NOPCHAP1: variants seen among roughly 807,000 people sequenced by gnomAD.
The protein encoded by NOPCHAP1 is NOP protein chaperone 1, also known as DNA damage-sensitive RNA 1.
Under a neutral mutation model 14.0 loss-of-function variants are expected in NOPCHAP1, and 13 were observed. The ratio of observed to expected loss-of-function variants is 0.93; its 90% CI spans 0.60 to 1.47. The LOEUF is 1.47. Among genes scored for constraint, NOPCHAP1 ranks in the 40% most tolerant of loss-of-function variants. The pLI, the probability that NOPCHAP1 is intolerant of heterozygous loss-of-function variation, is 0.00. For missense variants in NOPCHAP1, 230 were observed against 226.9 expected (o/e 1.01, Z -0.09); for synonymous variants, 78 against 78.4 (o/e 1.00, Z 0.03).
chr12:104,988,262 C>G lies in NOPCHAP1; in HGVS notation c.202+9C>G, dbSNP rs191639627. 3.2e-6 allele frequency: 5 copies of G among 1,582,352 alleles called. No homozygotes were observed. In the African/African-American group the frequency reaches 4.0e-5, roughly 13 times the overall value. On this transcript the variant is annotated intron_variant, in intron 2 of 3. Transcript: ENST00000552951. ...GATAGAGAGGAGTCCCTGTAAGTAC[C>G]TCTTCCCCTCTCTCACCCTCTCTAA...
chr12:104,994,766 C>T lies in NOPCHAP1; in HGVS notation c.*70C>T, dbSNP rs1873462818. ...ATTCTGTGAAAAAGAATGTGATTCA[C>T]GGGTTCTTTTGCTTTTCAGGCACCT... On this transcript the variant is annotated 3_prime_UTR_variant, in exon 4 of 4. Coordinates refer to ENST00000552951, the MANE Select transcript of NOPCHAP1 (RefSeq NM_152318.3). 30 of 1,395,444 alleles carry T rather than the reference C, an allele frequency of 2.1e-5. No homozygotes were observed. Among genetic ancestry groups the T allele is most frequent in the Admixed American group, 1.2e-4 (6 of 49,520 alleles). The allele number at this position is 1,395,444 out of a possible 1,614,324, so 86.4% of individuals were successfully genotyped here.
rs530555530 is a variant in NOPCHAP1 at position 105,014,789 on chromosome 12, G to A, written c.*20093G>A. 2.6e-5 allele frequency: 4 copies of A among 152,244 alleles called. No homozygotes were observed. In the East Asian group the frequency reaches 5.8e-4, roughly 22 times the overall value. The allele number at this position is 152,244 out of a possible 1,614,324, so 9.4% of individuals were successfully genotyped here. On this transcript the variant is annotated 3_prime_UTR_variant, in exon 4 of 4. Coordinates refer to ENST00000552951, the MANE Select transcript of NOPCHAP1 (RefSeq NM_152318.3). The stretch of plus-strand genomic sequence containing the variant: ...ATCACAGCAAAATTTGGAGGGCATA[G>A]TACAAAGAAAGGCGACAGCTGGTTT...
In NOPCHAP1 at chr12:104,996,991, G is replaced by A. The variant is rs1873513039; in HGVS notation, c.*2295G>A. ...GCTTCTGAGTGTCACTGCATGTGAGGTGGGTCTCTTGAAGATAGCATACCA... is the reference window on the plus strand; with the variant it reads ...GCTTCTGAGTGTCACTGCATGTGAGATGGGTCTCTTGAAGATAGCATACCA... On this transcript the variant is annotated 3_prime_UTR_variant, in exon 4 of 4. Coordinates refer to ENST00000552951, the MANE Select transcript of NOPCHAP1 (RefSeq NM_152318.3). 1 of 152,148 alleles carries A rather than the reference G, an allele frequency of 6.6e-6. No homozygotes were observed. Among genetic ancestry groups the A allele is most frequent in the African/African-American group, 2.4e-5 (1 of 41,430 alleles). The allele number at this position is 152,148 out of a possible 1,614,324, so 9.4% of individuals were successfully genotyped here.
chr12:104,986,348 G>A lies in NOPCHAP1; in HGVS notation c.-5G>A, dbSNP rs748382201. 3 of 1,604,914 alleles carry A rather than the reference G, an allele frequency of 1.9e-6. No individual in the cohort carries two copies. The highest frequency in any genetic ancestry group is 2.2e-5 in the East Asian group (1 of 44,454). On this transcript the variant is annotated 5_prime_UTR_variant, in exon 1 of 4. Coordinates refer to ENST00000552951, the MANE Select transcript of NOPCHAP1 (RefSeq NM_152318.3). ...CGGGCCTGAGAGTGCAGGCTTGAGG[G>A]AAGCATGGAGGTCCATGGCAAGCCC...
At position 105,011,090 on chromosome 12, in the gene NOPCHAP1, A is replaced by G. The variant is rs532534548; in HGVS notation, c.*16394A>G. The G allele has an allele frequency of 2.3e-4, 35 of 152,292 alleles. No individual in the cohort carries two copies. The highest frequency in any genetic ancestry group is 1.8e-3 in the Admixed American group (27 of 15,300). The allele number at this position is 152,292 out of a possible 1,614,324, so 9.4% of individuals were successfully genotyped here. On this transcript the variant is annotated 3_prime_UTR_variant, in exon 4 of 4. Transcript: ENST00000552951. ...TGACAGTGGGGTGTTAAAGTCTCCC[A>G]CTATTATTGTGTGGGAGTCTAAGTC...
rs967194833 is a variant in NOPCHAP1 at position 105,014,826 on chromosome 12, G to A, written c.*20130G>A. 5.9e-5 allele frequency: 9 copies of A among 152,146 alleles called. No homozygotes were observed. Among genetic ancestry groups the A allele is most frequent in the Non-Finnish European group, 1.3e-4 (9 of 68,044 alleles). The allele number at this position is 152,146 out of a possible 1,614,324, so 9.4% of individuals were successfully genotyped here. ...GCGACAGCTGGTTTTCCCTTCCAAA[G>A]GTCAAAATGACCTCAGGCTGGAGTT... On this transcript the variant is annotated 3_prime_UTR_variant, in exon 4 of 4. Transcript: ENST00000552951.
chr12:104,989,067 T>C (rs1048936363), intron 2 of NOPCHAP1, among the ~76,000 whole-genome samples: 1 of 151,948 alleles, frequency 6.6e-6, no homozygotes, highest in Non-Finnish European at 1.5e-5. Context: ...CAGCAAGGTA[T>C]GAGAGTTTAG....
intron 2 of NOPCHAP1, among the ~76,000 whole-genome samples, chr12:104,991,047 T>C (rs1047720552): frequency 1.3e-5 from 2 of 152,198 alleles, no homozygotes; most frequent in African/African-American, 2.4e-5. Context: ...TTCAGCCTTA[T>C]ATTCAGCCAA....
At position 105,017,169 on chromosome 12, in the gene NOPCHAP1, TTG is replaced by T. The variant is rs1873963703; in HGVS notation, c.*22477_*22478del. ...TTTAAAAACTGCCTAGCAGGATAGT[TTG>T]TGTTACTCTGCCTGTATCCATGACC... On this transcript the variant is annotated 3_prime_UTR_variant, in exon 4 of 4. Coordinates refer to ENST00000552951, the MANE Select transcript of NOPCHAP1 (RefSeq NM_152318.3). 6.6e-6 allele frequency: 1 copy of T among 152,126 alleles called. No individual in the cohort carries two copies. The highest frequency in any genetic ancestry group is 1.5e-5 in the Non-Finnish European group (1 of 68,014). The allele number at this position is 152,126 out of a possible 1,614,324, so 9.4% of individuals were successfully genotyped here. A position where few individuals can be genotyped will look rare whatever the true frequency, so the allele number is the denominator to read the frequency against.
In NOPCHAP1 at chr12:104,986,346, G is replaced by C. The variant is rs781413827; in HGVS notation, c.-7G>C. 4 of 1,604,196 alleles carry C rather than the reference G, an allele frequency of 2.5e-6. No homozygotes were observed. In the South Asian group the frequency reaches 3.4e-5, roughly 13 times the overall value. On this transcript the variant is annotated 5_prime_UTR_variant, in exon 1 of 4. Coordinates refer to ENST00000552951, the MANE Select transcript of NOPCHAP1 (RefSeq NM_152318.3). ...TCCGGGCCTGAGAGTGCAGGCTTGAGGGAAGCATGGAGGTCCATGGCAAGC... is the reference window on the plus strand; with the variant it reads ...TCCGGGCCTGAGAGTGCAGGCTTGACGGAAGCATGGAGGTCCATGGCAAGC...
At chr12:104,991,982 A>ATAGTCATTTTATGATT (rs1442693576) in intron 3 of NOPCHAP1, 134 bp downstream of exon 3, 3 of 1,052,862 alleles carry the variant, frequency 2.8e-6, no homozygotes, top group Non-Finnish European at 3.9e-6. Flanking sequence ...GTATAGGTAC[A>ATAGTCATTTTATGATT]TAGTCATTTT....
rs1873714014 is a variant in NOPCHAP1 at position 105,006,579 on chromosome 12, C to CT, written c.*11888dup. On this transcript the variant is annotated 3_prime_UTR_variant, in exon 4 of 4. Coordinates refer to ENST00000552951, the MANE Select transcript of NOPCHAP1 (RefSeq NM_152318.3). ...CCAGACAAAGGGGTCTTGTCCAAGC[C>CT]TTTTTGTTGTAAACCAGAAGACTGG... 6.6e-6 allele frequency: 1 copy of CT among 152,182 alleles called. No homozygotes were observed. The highest frequency in any genetic ancestry group is 2.4e-5 in the African/African-American group (1 of 41,432). 9.4% of individuals were successfully genotyped at this position (152,182 alleles called of 1,614,324 possible).
In NOPCHAP1 at chr12:104,994,690, G is replaced by T. The variant is rs1873460125; in HGVS notation, c.552G>T (p.Lys184Asn). 1 of 1,600,096 alleles carries T rather than the reference G, an allele frequency of 6.2e-7. No homozygotes were observed. The highest frequency in any genetic ancestry group is 8.5e-7 in the Non-Finnish European group (1 of 1,172,378). Residue 184 changes from lysine (K) to asparagine (N), a missense_variant, in exon 4 of 4, where the codon AAG (lysine) becomes AAT (asparagine). Physicochemically the swap from Lys to Asn is moderately conservative, Grantham distance 94. Transcript: ENST00000552951. Reference protein sequence around the residue: ...EVLDSPASKKKK With the variant: ...EVLDSPASKKNK ...TGGACAGTCCAGCAAGTAAAAAAAA[G>T]AAATAGTCAAATAAATTATCTGAAA... is the stretch of plus-strand genomic sequence containing the variant.
rs1008674594 is a variant in NOPCHAP1, at chr12:105,001,449, A to G, written c.*6753A>G. The stretch of plus-strand genomic sequence containing the variant: ...ATAAACCAAACATTAGTTATAAGCC[A>G]TTTTAGCAATTTTAGAATAGTCATC... On this transcript the variant is annotated 3_prime_UTR_variant, in exon 4 of 4. Transcript: ENST00000552951. 3.3e-5 allele frequency: 5 copies of G among 152,182 alleles called. No individual in the cohort carries two copies. Among genetic ancestry groups the G allele is most frequent in the African/African-American group, 1.2e-4 (5 of 41,446 alleles). 9.4% of individuals were successfully genotyped at this position (152,182 alleles called of 1,614,324 possible).
chr12:104,988,073 A>G (rs955657196), intron 1 of NOPCHAP1, 94 bp from the exon 2 acceptor site: 2 of 937,284 alleles, frequency 2.1e-6, no homozygotes, highest in African/African-American at 3.3e-5. Context: ...TGGACAGTCA[A>G]GTCTTAAGAC....
rs987676507 is a variant in NOPCHAP1, at chr12:105,012,921, A to G, written c.*18225A>G. On this transcript the variant is annotated 3_prime_UTR_variant, in exon 4 of 4. Coordinates refer to ENST00000552951, the MANE Select transcript of NOPCHAP1 (RefSeq NM_152318.3). ...GATCTCCTGTGTGAGGTTTCTGTCA[A>G]CCTCTGCTGGGAGGTGTCTCCCAGT... The G allele has an allele frequency of 2.0e-5, 3 of 152,240 alleles. No homozygotes were observed. The East Asian group carries it at 5.8e-4, about 29-fold the overall frequency. 9.4% of individuals were successfully genotyped at this position (152,240 alleles called of 1,614,324 possible).
chr12:104,989,719 C>T (rs926267173), intron 2 of NOPCHAP1, among the ~76,000 whole-genome samples: 1 of 152,124 alleles, frequency 6.6e-6, no homozygotes, highest in Non-Finnish European at 1.5e-5. Context: ...GCTCCTGTCT[C>T]GCCTCTCCTG....
chr12:104,999,094 G>C lies in NOPCHAP1; in HGVS notation c.*4398G>C, dbSNP rs956475123. ...CTCCGTACCTGCAGATACTCCAGTGGCAGTGGCAGCATGGTGGTCGGGTGC... is the reference window on the plus strand; with the variant it reads ...CTCCGTACCTGCAGATACTCCAGTGCCAGTGGCAGCATGGTGGTCGGGTGC... On this transcript the variant is annotated 3_prime_UTR_variant, in exon 4 of 4. Coordinates refer to ENST00000552951, the MANE Select transcript of NOPCHAP1 (RefSeq NM_152318.3). The C allele has an allele frequency of 5.9e-5, 9 of 152,568 alleles. No individual in the cohort carries two copies. Among genetic ancestry groups the C allele is most frequent in the African/African-American group, 2.2e-4 (9 of 41,418 alleles). The allele number at this position is 152,568 out of a possible 1,614,324, so 9.5% of individuals were successfully genotyped here. A position where few individuals can be genotyped will look rare whatever the true frequency, so the allele number is the denominator to read the frequency against.
intron 1 of NOPCHAP1, among the ~76,000 whole-genome samples, chr12:104,987,491 C>T (rs1312916693): frequency 6.6e-6 from 1 of 152,190 alleles, no homozygotes; most frequent in Admixed American, 6.5e-5. Flanking sequence ...TTTGTTGCGG[C>T]TCTGCTTTGC....
Sources: gnomAD v4.1 joint callset for allele counts (sites outside exome capture counted in the v4.1 genomes callset) on GRCh38, gnomAD v4.1.1 for gene constraint, MANE v1.5 for transcripts, NCBI Gene and HGNC (gene_info 2026-07-23, HGNC 2026-07-21) for gene names.